Variants in TOP3A observed in about 807,000 individuals in gnomAD.
TOP3A encodes the protein DNA topoisomerase 3-alpha.
A neutral mutation model predicts 111.3 loss-of-function variants in TOP3A; 64 were observed. That is an observed-to-expected ratio of 0.57 (90% CI 0.47 to 0.71). The LOEUF (loss-of-function observed/expected upper bound fraction) is 0.71, where lower values mean the gene tolerates loss of function less well. Among genes scored for constraint, TOP3A ranks in the 30% least tolerant of loss-of-function variants. The pLI, the probability that TOP3A is intolerant of heterozygous loss-of-function variation, is 0.00. For missense variants in TOP3A, 1,104 were observed against 1,285.0 expected (o/e 0.86, Z 2.15); for synonymous variants, 484 against 485.1 (o/e 1.00, Z 0.03).
chr17:18,285,695 ACT>A (rs1398430222), intron 13 of TOP3A, among the ~76,000 whole-genome samples, 175 bp from the exon 14 acceptor site: 3 of 151,854 alleles, frequency 2.0e-5, no homozygotes, highest in Non-Finnish European at 4.4e-5. Context: ...GGCAACCTCA[ACT>A]CTCTTGTTCC....
intron 9 of TOP3A, among the ~76,000 whole-genome samples, chr17:18,297,651 C>T (rs1485642760): frequency 6.6e-6 from 1 of 152,108 alleles, no homozygotes; most frequent in Admixed American, 6.5e-5. Context: ...TCTCCAGCTC[C>T]TAACCGCTAG....
chr17:18,278,444 C>G (rs531485865), intron 17 of TOP3A, 87 bp from the exon 18 acceptor site: 3 of 1,233,574 alleles, frequency 2.4e-6, no homozygotes, highest in Non-Finnish European at 3.3e-6. Context: ...AGCCCTAGGC[C>G]TCTCTCCACC....
In TOP3A at chr17:18,308,434, G is replaced by A. The variant is rs1981719232; in HGVS notation, c.241-10C>T. On this transcript the variant is annotated splice_polypyrimidine_tract_variant and intron_variant, in intron 2 of 18. Coordinates refer to ENST00000321105, the MANE Select transcript of TOP3A (RefSeq NM_004618.5). ...TTACCATGGTAACATTCTGAATGAT[G>A]ACAAAATTCAAAATTCAGTTAGTCT... The A allele has an allele frequency of 1.9e-6, 3 of 1,569,230 alleles. No individual in the cohort carries two copies. The highest frequency in any genetic ancestry group is 2.6e-6 in the Non-Finnish European group (3 of 1,149,876).
At chr17:18,277,045 G>A (rs1344289925) in intron 18 of TOP3A, among the ~76,000 whole-genome samples, 3 of 152,166 alleles carry the variant, frequency 2.0e-5, no homozygotes, top group Non-Finnish European at 2.9e-5. Flanking sequence ...TTAGCTGTGC[G>A]TGGTGGTGCA....
intron 4 of TOP3A, among the ~76,000 whole-genome samples, chr17:18,306,284 G>A (rs530166530): frequency 6.6e-6 from 1 of 152,296 alleles, no homozygotes; most frequent in African/African-American, 2.4e-5. Flanking sequence ...GCAATTTACT[G>A]TCAAACAGGC....
rs769035726 is a variant in TOP3A, at chr17:18,292,770, C to T, written c.1156G>A (p.Asp386Asn). 4.6e-5 allele frequency: 75 copies of T among 1,613,766 alleles called. No homozygotes were observed. Among genetic ancestry groups the T allele is most frequent in the Non-Finnish European group, 6.1e-5 (72 of 1,179,932 alleles). Residue 386 changes from aspartate to asparagine, a missense_variant, in exon 11 of 19, where the codon GAT (aspartate) becomes AAT (asparagine). Transcript: ENST00000321105. The stretch of plus-strand genomic sequence containing the variant: ...TGGGCAAAGGCCCCCCAGCGTGGAT[C>T]GGGGGTCTGCTGTTCCACCAACACC... ...LTVLVEQQTP[D>N]PRWGAFAQSI...
chr17:18,279,857 A>G (rs1597955983), intron 17 of TOP3A, among the ~76,000 whole-genome samples: 1 of 152,148 alleles, frequency 6.6e-6, no homozygotes, highest in East Asian at 1.9e-4. Context: ...TGGCTAATTT[A>G]AAATTTTTTT....
chr17:18,278,024 C>T lies in TOP3A; in HGVS notation c.2478G>A (p.Lys826=). 6.2e-7 allele frequency: 1 copy of T among 1,614,182 alleles called. No individual in the cohort carries two copies. Among genetic ancestry groups the T allele is most frequent in the Middle Eastern group, 1.6e-4 (1 of 6,062 alleles). ...GQEAVLLTVR[K]EGPNRGRQFF... ...ACTGCCGGCCCCGGTTGGGGCCCTC[C>T]TTACGGACAGTGAGCAGCACAGCCT... The change falls in exon 18 of 19, where the codon AAG becomes AAA. Residue 826 remains lysine, a synonymous_variant. Coordinates refer to ENST00000321105, the MANE Select transcript of TOP3A (RefSeq NM_004618.5).
intron 9 of TOP3A, among the ~76,000 whole-genome samples, chr17:18,299,069 A>T (rs1981054988): frequency 1.3e-5 from 2 of 151,346 alleles, no homozygotes; most frequent in African/African-American, 4.8e-5. Context: ...ATAAAAATAA[A>T]ATTAAAATTA....
chr17:18,282,055 C>G (rs1363514535), intron 16 of TOP3A, among the ~76,000 whole-genome samples: 1 of 152,152 alleles, frequency 6.6e-6, no homozygotes, highest in Non-Finnish European at 1.5e-5. Context: ...TCCCCGTGAA[C>G]TTCCTCCAGT....
intron 17 of TOP3A, among the ~76,000 whole-genome samples, chr17:18,279,205 T>TA (rs1248470794): frequency 2.0e-5 from 3 of 152,156 alleles, no homozygotes; most frequent in African/African-American, 7.2e-5. Flanking sequence ...TTTATTACCC[T>TA]AAAAAACAAG....
chr17:18,299,943 C>T (rs1378438687), intron 8 of TOP3A, among the ~76,000 whole-genome samples: 1 of 152,202 alleles, frequency 6.6e-6, no homozygotes, highest in African/African-American at 2.4e-5. Context: ...TACACGTGCA[C>T]AGTGCTCTTT....
intron 13 of TOP3A, 48 bp downstream of exon 13, chr17:18,290,509 T>C (rs776461623): frequency 6.6e-7 from 1 of 1,508,486 alleles, no homozygotes; most frequent in Non-Finnish European, 8.9e-7. Context: ...CCTGGTACAC[T>C]GTAAGCCTTA....
rs1455112789 is a variant in TOP3A at position 18,313,915 on chromosome 17, TG to T, written c.180+683del. Reference sequence around the variant, plus strand: ...ACTTTTGTTATCTGAGATATTTTCCTGGACAGCTCTTTATGTCTCCCGTGGC... The same window carrying T: ...ACTTTTGTTATCTGAGATATTTTCCTGACAGCTCTTTATGTCTCCCGTGGC... On this transcript the variant is annotated intron_variant, in intron 1 of 18. Transcript: ENST00000321105. Among the ~76,000 whole-genome samples the T allele has an allele frequency of 7.2e-5, 11 of 152,258 alleles. 1 individual carries two copies. The highest frequency in any genetic ancestry group is 7.2e-4 in the Admixed American group (11 of 15,290).
chr17:18,292,451 G>A (rs1305069952), intron 11 of TOP3A, among the ~76,000 whole-genome samples, 194 bp downstream of exon 11: 1 of 152,210 alleles, frequency 6.6e-6, no homozygotes, highest in Non-Finnish European at 1.5e-5. Context: ...TGTGGAGCTG[G>A]ATTAAGACGG....
intron 16 of TOP3A, 49 bp from the exon 17 acceptor site, chr17:18,280,707 C>T: frequency 6.3e-7 from 1 of 1,598,788 alleles, no homozygotes; most frequent in Non-Finnish European, 8.6e-7. Flanking sequence ...GAGATGCTCT[C>T]CGCTGTTGGC....
intron 9 of TOP3A, among the ~76,000 whole-genome samples, chr17:18,295,816 GAGTGC>G (rs960305323): frequency 1.4e-5 from 2 of 145,834 alleles, no homozygotes; most frequent in Non-Finnish European, 3.0e-5. Flanking sequence ...ATCCAGGCTG[GAGTGC>G]AGTGGCGTGA....
At chr17:18,305,314 G>T in intron 4 of TOP3A, 94 bp from the exon 5 acceptor site, 1 of 1,030,862 alleles carries the variant, frequency 9.7e-7, no homozygotes, top group Non-Finnish European at 1.5e-6. Context: ...GAAGGTTAAT[G>T]CTGCTCTTGG....
intron 9 of TOP3A, among the ~76,000 whole-genome samples, chr17:18,297,876 A>C (rs1361386751): frequency 6.8e-6 from 1 of 146,118 alleles, no homozygotes; most frequent in Admixed American, 6.8e-5. Context: ...GTCTCTGCCC[A>C]GCCGCCCATC....
Sources: allele counts gnomAD v4.1 joint callset (sites outside exome capture counted in the v4.1 genomes callset), GRCh38; gene constraint gnomAD v4.1.1; transcripts MANE v1.5; gene names NCBI Gene and HGNC (gene_info 2026-07-23, HGNC 2026-07-21).